SLC24A2: variants seen among roughly 807,000 people sequenced by gnomAD.
SLC24A2 encodes the protein solute carrier family 24 member 2.
SLC24A2 carries 36 observed loss-of-function variants against 62.0 expected under a neutral mutation model. The ratio of observed to expected loss-of-function variants is 0.58; its 90% CI spans 0.44 to 0.77. SLC24A2 has a LOEUF of 0.77. Ranked by LOEUF, SLC24A2 falls within the 30% of genes least tolerant of loss-of-function variation. The pLI is 0.00. For missense variants in SLC24A2, 846 were observed against 817.9 expected (o/e 1.03, Z -0.42); for synonymous variants, 358 against 294.0 (o/e 1.22, Z -2.23).
chr9:19,682,246 A>T (rs1181776872), intron 2 of SLC24A2, among the ~76,000 whole-genome samples: 1 of 152,158 alleles, frequency 6.6e-6, no homozygotes, highest in Non-Finnish European at 1.5e-5. Context: ...AAGAGTCTCA[A>T]TGTCTAAGGC....
chr9:19,923,608 A>C, the SLC24A2 span, among the ~76,000 whole-genome samples: 1 of 152,028 alleles, frequency 6.6e-6, no homozygotes, highest in Non-Finnish European at 1.5e-5. Context: ...AGCCCACCCC[A>C]CTCATGGAGG....
chr9:20,034,431 T>G, the SLC24A2 span, among the ~76,000 whole-genome samples: 139 of 151,678 alleles, frequency 9.2e-4, no homozygotes, highest in Middle Eastern at 3.5e-3. Flanking sequence ...GTACTTATTT[T>G]AAACACTCTG....
intron 2 of SLC24A2, among the ~76,000 whole-genome samples, chr9:19,663,080 T>C (rs1161004572): frequency 1.3e-5 from 2 of 152,182 alleles, no homozygotes; most frequent in South Asian, 2.1e-4. Flanking sequence ...AATAGGTAAA[T>C]GGCTAACTGC....
chr9:19,572,479 T>A (rs888464659), intron 7 of SLC24A2, among the ~76,000 whole-genome samples: 4 of 152,050 alleles, frequency 2.6e-5, no homozygotes, highest in South Asian at 2.1e-4. Context: ...CTGAGTGGGT[T>A]CTCATGAGAT....
Position 19,636,408 on chromosome 9 carries a change from T to TC in SLC24A2, c.931-14110_931-14109insG, listed in dbSNP as rs756544473. ...CTTTCTCCCTCTCTCTCTCTCTCTC[T>TC]TTCTTTCTTTCCTCTTCTCTTCTCT... On this transcript the variant is annotated intron_variant, in intron 2 of 10. Transcript: ENST00000341998. Among the ~76,000 whole-genome samples the TC allele has an allele frequency of 9.0e-3, 625 of 69,594 alleles. 65 individuals carry two copies. Among genetic ancestry groups the TC allele is most frequent in the Non-Finnish European group, 0.012 (443 of 37,680 alleles). The allele number at this position is 69,594 out of a possible 152,430, so 45.7% of individuals were successfully genotyped here. A position where few individuals can be genotyped will look rare whatever the true frequency, so the allele number is the denominator to read the frequency against.
At chr9:19,564,098 C>G (rs1228501861) in intron 7 of SLC24A2, among the ~76,000 whole-genome samples, 1 of 151,968 alleles carries the variant, frequency 6.6e-6, no homozygotes, top group Non-Finnish European at 1.5e-5. Flanking sequence ...TCAAGTGATC[C>G]ACCTGCCTCG....
chr9:20,152,084 T>G, the SLC24A2 span, among the ~76,000 whole-genome samples: 34 of 152,056 alleles, frequency 2.2e-4, no homozygotes, highest in African/African-American at 7.7e-4. Context: ...TCAGCAAATA[T>G]TAATTCCCTT....
chr9:19,794,063 C>G, the SLC24A2 span, among the ~76,000 whole-genome samples: 1 of 152,178 alleles, frequency 6.6e-6, no homozygotes, highest in Non-Finnish European at 1.5e-5. Flanking sequence ...AAAAAAATTT[C>G]TGTGGGATTG....
At chr9:19,738,768 C>A (rs1821585706) in intron 2 of SLC24A2, among the ~76,000 whole-genome samples, 1 of 152,004 alleles carries the variant, frequency 6.6e-6, no homozygotes, top group African/African-American at 2.4e-5. Flanking sequence ...TTTCCATATA[C>A]AAGCCAAAAA....
At chr9:20,211,547 T>C in the SLC24A2 span, among the ~76,000 whole-genome samples, 1 of 152,136 alleles carries the variant, frequency 6.6e-6, no homozygotes, top group Non-Finnish European at 1.5e-5. Context: ...TACATGTTAA[T>C]TGCAAAACTT....
the SLC24A2 span, among the ~76,000 whole-genome samples, chr9:20,021,879 C>A: frequency 1.3e-5 from 2 of 152,146 alleles, no homozygotes; most frequent in Non-Finnish European, 2.9e-5. Flanking sequence ...GCAGCCCATG[C>A]CCAGCTCTTC....
the SLC24A2 span, among the ~76,000 whole-genome samples, chr9:20,186,747 G>A: frequency 6.6e-6 from 1 of 152,148 alleles, no homozygotes; most frequent in Non-Finnish European, 1.5e-5. Flanking sequence ...AGGATTAAAT[G>A]TTATGATATA....
the SLC24A2 span, among the ~76,000 whole-genome samples, chr9:20,304,205 G>A: frequency 3.9e-5 from 6 of 152,250 alleles, no homozygotes; most frequent in East Asian, 1.2e-3. Flanking sequence ...TTCAGTGGCA[G>A]GCAGGTTAAC....
intron 2 of SLC24A2, among the ~76,000 whole-genome samples, chr9:19,775,693 G>A (rs1273507568): frequency 6.6e-6 from 1 of 152,188 alleles, no homozygotes; most frequent in East Asian, 1.9e-4. Flanking sequence ...AGGGTAAGAA[G>A]CAAGGCCACC....
intron 5 of SLC24A2, among the ~76,000 whole-genome samples, chr9:19,577,492 T>A (rs532082697): frequency 6.6e-6 from 1 of 152,164 alleles, no homozygotes; most frequent in Non-Finnish European, 1.5e-5. Flanking sequence ...AAATCTGAAA[T>A]CTGAAACACT....
intron 2 of SLC24A2, among the ~76,000 whole-genome samples, chr9:19,628,769 G>T (rs1389594623): frequency 1.3e-5 from 2 of 152,196 alleles, no homozygotes; most frequent in African/African-American, 2.4e-5. Context: ...ACTGGAAGAA[G>T]AACTATCTTA....
At chr9:19,793,839 C>A (rs1823347420), upstream of SLC24A2, among the ~76,000 whole-genome samples, 1 of 152,144 alleles carries the variant, frequency 6.6e-6, no homozygotes, top group Non-Finnish European at 1.5e-5. Context: ...TACCAACAGC[C>A]CGTCAACAAT....
chr9:19,644,966 A>T (rs773817682), intron 2 of SLC24A2, among the ~76,000 whole-genome samples: 2 of 152,174 alleles, frequency 1.3e-5, no homozygotes, highest in Non-Finnish European at 2.9e-5. Flanking sequence ...TTTTCAGGCT[A>T]AATTTGAACA....
intron 2 of SLC24A2, among the ~76,000 whole-genome samples, chr9:19,704,141 GA>G (rs35660260): frequency 0.18 from 27,187 of 152,042 alleles, 2,559 homozygotes; most frequent in Middle Eastern, 0.23. Context: ...CCTATACCTG[GA>G]ACTTGTTAAG....
Sources: allele counts gnomAD v4.1 joint callset (sites outside exome capture counted in the v4.1 genomes callset), GRCh38; gene constraint gnomAD v4.1.1; transcripts MANE v1.5; gene names NCBI Gene and HGNC (gene_info 2026-07-23, HGNC 2026-07-21).